RBFOX1: variants seen among roughly 807,000 people sequenced by gnomAD.
RBFOX1 encodes RNA binding protein fox-1 homolog 1.
RBFOX1 carries 8 observed loss-of-function variants against 57.7 expected under a neutral mutation model. That is an observed-to-expected ratio of 0.14 (90% CI 0.08 to 0.25). The LOEUF (loss-of-function observed/expected upper bound fraction) is 0.25. RBFOX1 is among the 10% of genes least tolerant of loss of function. RBFOX1 has a pLI of 1.00. For synonymous variants in RBFOX1, 326 were observed against 222.4 expected, an observed-to-expected ratio of 1.47 and a Z score of -4.15; for missense variants, 611 against 548.5, an observed-to-expected ratio of 1.11 and a Z score of -1.14.
At chr16:6,051,242 CA>C (rs897512010) in intron 1 of RBFOX1, among the ~76,000 whole-genome samples, 13 of 151,836 alleles carry the variant, frequency 8.6e-5, no homozygotes, top group African/African-American at 2.7e-4. Context: ...TCTGTTCCCC[CA>C]AAAACCACCT....
chr16:5,393,326 A>G (rs1398117344), intron 1 of RBFOX1, among the ~76,000 whole-genome samples: 1 of 152,196 alleles, frequency 6.6e-6, no homozygotes, highest in Non-Finnish European at 1.5e-5. Context: ...TCTCAAGCCG[A>G]ATACTTGGCA....
chr16:7,089,611 A>T (rs2060498339), intron 4 of RBFOX1, among the ~76,000 whole-genome samples: 1 of 152,128 alleles, frequency 6.6e-6, no homozygotes, highest in Admixed American at 6.6e-5. Context: ...TGTCTGTGAT[A>T]TTATTTATGA....
At chr16:5,283,579 C>T (rs1457142266) in intron 1 of RBFOX1, among the ~76,000 whole-genome samples, 1 of 152,172 alleles carries the variant, frequency 6.6e-6, no homozygotes, top group Non-Finnish European at 1.5e-5. Flanking sequence ...TCAGCATGAC[C>T]TGCATGTGAG....
At chr16:6,945,265 C>G (rs982542961) in intron 3 of RBFOX1, among the ~76,000 whole-genome samples, 5 of 152,064 alleles carry the variant, frequency 3.3e-5, no homozygotes, top group African/African-American at 9.7e-5. Context: ...GTCATGTGAC[C>G]TCTGTTAGCG....
rs542004784 is a variant in RBFOX1 at position 7,188,127 on chromosome 16, A to T, written c.27+136029A>T. Among the ~76,000 whole-genome samples, 81 of 152,348 alleles carry T rather than the reference A, an allele frequency of 5.3e-4. 3 individuals carry two copies. In the South Asian group the frequency reaches 0.016, roughly 30 times the overall value. Reference sequence around the variant, plus strand: ...TAATTGTGTTTAACAATTTTGGAAGATCAGCCAACTCAGCAAGAGGTGTAT... The same window carrying T: ...TAATTGTGTTTAACAATTTTGGAAGTTCAGCCAACTCAGCAAGAGGTGTAT... On this transcript the variant is annotated intron_variant, in intron 4 of 15. Transcript: ENST00000550418.
At chr16:6,728,218 G>T (rs983083163) in intron 3 of RBFOX1, among the ~76,000 whole-genome samples, 1 of 152,194 alleles carries the variant, frequency 6.6e-6, no homozygotes, top group Non-Finnish European at 1.5e-5. Context: ...ATCACCTTAA[G>T]TGAAGCTTCT....
At chr16:6,812,045 G>C (rs886104934) in intron 3 of RBFOX1, among the ~76,000 whole-genome samples, 1 of 152,116 alleles carries the variant, frequency 6.6e-6, no homozygotes, top group Non-Finnish European at 1.5e-5. Flanking sequence ...AAGAGTGTTG[G>C]TTGGTTTCAT....
intron 1 of RBFOX1, among the ~76,000 whole-genome samples, chr16:5,413,563 C>T (rs557733589): frequency 5.1e-4 from 77 of 152,330 alleles, no homozygotes; most frequent in African/African-American, 8.4e-4. Flanking sequence ...ACAGCACAGA[C>T]GTAGAACATT....
intron 4 of RBFOX1, among the ~76,000 whole-genome samples, chr16:7,172,634 A>T (rs2080921491): frequency 6.6e-6 from 1 of 152,168 alleles, no homozygotes; most frequent in African/African-American, 2.4e-5. Flanking sequence ...ACTTACTGGG[A>T]ACACACATCA....
intron 10 of RBFOX1, among the ~76,000 whole-genome samples, chr16:7,622,151 T>C (rs1436717949): frequency 6.6e-6 from 1 of 152,186 alleles, no homozygotes; most frequent in Non-Finnish European, 1.5e-5. Flanking sequence ...ATTTAGAAGA[T>C]GATTGTTAGA....
rs143909188 is a variant in RBFOX1 at position 6,854,175 on chromosome 16, A to G, written c.-15-197882A>G. ...GAGTGTCTGACGTTTATTAGTTTCA[A>G]TAACGGTTTCTGGGGTTTAGACAGA... On this transcript the variant is annotated intron_variant, in intron 3 of 15. Coordinates refer to ENST00000550418, the MANE Select transcript of RBFOX1 (RefSeq NM_018723.4). Among the ~76,000 whole-genome samples, 4 of 152,262 alleles carry G rather than the reference A, an allele frequency of 2.6e-5. No individual in the cohort carries two copies. The East Asian group carries it at 5.8e-4, about 22-fold the overall frequency.
At chr16:5,803,290 A>C (rs1479117873) in intron 3 of RBFOX1, among the ~76,000 whole-genome samples, 1 of 152,162 alleles carries the variant, frequency 6.6e-6, no homozygotes, top group East Asian at 1.9e-4. Flanking sequence ...ACAGGCTCTA[A>C]GAGTTCCTTT....
At chr16:6,997,107 G>T (rs542258171) in intron 3 of RBFOX1, among the ~76,000 whole-genome samples, 1 of 152,098 alleles carries the variant, frequency 6.6e-6, no homozygotes, top group Non-Finnish European at 1.5e-5. Context: ...TGTGTTGACT[G>T]TGTTTTGCCC....
intron 4 of RBFOX1, among the ~76,000 whole-genome samples, chr16:7,298,284 T>TG (rs1568091572): frequency 2.2e-4 from 30 of 139,516 alleles, no homozygotes; most frequent in Non-Finnish European, 9.2e-5. Flanking sequence ...GGTTTTTTTT[T>TG]GTTTTTTTTT....
At chr16:7,557,915 A>G (rs187749792) in intron 5 of RBFOX1, among the ~76,000 whole-genome samples, 1 of 152,292 alleles carries the variant, frequency 6.6e-6, no homozygotes, top group Non-Finnish European at 1.5e-5. Context: ...TTAGGAAAAA[A>G]TATGCAGAAG....
chr16:6,118,281 C>A (rs2096519125), intron 1 of RBFOX1, among the ~76,000 whole-genome samples: 1 of 152,146 alleles, frequency 6.6e-6, no homozygotes. Flanking sequence ...TGCCATATCA[C>A]CTTATGTCTC....
At chr16:6,452,847 C>A (rs1177737751) in intron 2 of RBFOX1, among the ~76,000 whole-genome samples, 1 of 152,182 alleles carries the variant, frequency 6.6e-6, no homozygotes, top group South Asian at 2.1e-4. Flanking sequence ...ATTATGCCTA[C>A]CCTAGGGGGG....
At chr16:5,859,646 ACT>A (rs1045665727) in intron 3 of RBFOX1, among the ~76,000 whole-genome samples, 19 of 151,960 alleles carry the variant, frequency 1.3e-4, no homozygotes, top group African/African-American at 4.6e-4. Flanking sequence ...GGAGGATAAA[ACT>A]CTGCCTACCA....
In RBFOX1 at chr16:6,163,360, G is replaced by A. The variant is rs553046501; in HGVS notation, c.-127+143368G>A. 2.6e-5 allele frequency among the ~76,000 whole-genome samples: 4 copies of A among 152,190 alleles called. No homozygotes were observed. The South Asian group carries it at 8.3e-4, about 32-fold the overall frequency. On this transcript the variant is annotated intron_variant, in intron 1 of 15. Transcript: ENST00000550418. ...CAGCTTTTGGGAGCATGTTAAAACA[G>A]ATTTCATCTGGGAATTTCATTTTGC...
Sources: allele counts gnomAD v4.1 joint callset (sites outside exome capture counted in the v4.1 genomes callset), GRCh38; gene constraint gnomAD v4.1.1; transcripts MANE v1.5; gene names NCBI Gene and HGNC (gene_info 2026-07-23, HGNC 2026-07-21).